The following DLGAP2 variants were observed in gnomAD, a reference collection of about 807,000 sequenced individuals.
The protein encoded by DLGAP2 is disks large-associated protein 2.
In DLGAP2, 26 loss-of-function variants were observed where a neutral mutation model predicts 100.3. The observed-to-expected ratio is 0.26, with a 90% CI of 0.19 to 0.36. DLGAP2 has a LOEUF of 0.36. Ranked by LOEUF, DLGAP2 falls within the 10% of genes least tolerant of loss-of-function variation. The pLI, the probability that DLGAP2 is intolerant of heterozygous loss-of-function variation, is 1.00. For missense variants in DLGAP2, 1,858 were observed against 1,453.2 expected, an observed-to-expected ratio of 1.28 and a Z score of -4.53; for synonymous variants, 886 against 630.1, an observed-to-expected ratio of 1.41 and a Z score of -6.08.
At chr8:1,275,846 A>AT (rs1378473313) in intron 3 of DLGAP2, among the ~76,000 whole-genome samples, 1 of 118,662 alleles carries the variant, frequency 8.4e-6, no homozygotes, top group Non-Finnish European at 1.6e-5. Context: ...ATAATATATA[A>AT]ATATATATAA....
chr8:1,273,719 A>G (rs1411820164), intron 3 of DLGAP2, among the ~76,000 whole-genome samples: 1 of 152,224 alleles, frequency 6.6e-6, no homozygotes, highest in Non-Finnish European at 1.5e-5. Flanking sequence ...CCTCTGCTCA[A>G]AGGTGCTTCT....
intron 2 of DLGAP2, among the ~76,000 whole-genome samples, chr8:1,024,503 A>C (rs1386333759): frequency 6.7e-6 from 1 of 150,142 alleles, no homozygotes. Flanking sequence ...ACCCATGCCA[A>C]GGTAGTGCCT....
chr8:865,816 G>C (rs969021623), intron 1 of DLGAP2, among the ~76,000 whole-genome samples: 6 of 152,174 alleles, frequency 3.9e-5, no homozygotes, highest in African/African-American at 1.4e-4. Context: ...GGTCTGCCCA[G>C]CTACAGGGTC....
intron 1 of DLGAP2, among the ~76,000 whole-genome samples, chr8:743,474 A>G (rs190630018): frequency 6.6e-6 from 1 of 152,282 alleles, no homozygotes; most frequent in African/African-American, 2.4e-5. Context: ...TTTTTTAATG[A>G]TTTTGTCTTG....
chr8:780,056 T>G lies in DLGAP2; in HGVS notation c.18+42231T>G, dbSNP rs1022653065. 1.8e-4 allele frequency among the ~76,000 whole-genome samples: 27 copies of G among 152,190 alleles called. 1 individual carries two copies. The highest frequency in any genetic ancestry group is 1.8e-3 in the Admixed American group (27 of 15,284). ...TAGAGATTTTGAAATGTTTGAATTA[T>G]TATTAGCTGTGTTTGCCATGCAATG... On this transcript the variant is annotated intron_variant, in intron 1 of 14. Coordinates refer to ENST00000637795, the MANE Select transcript of DLGAP2 (RefSeq NM_001346810.2).
chr8:1,636,318 G>GAA (rs1310314928), intron 8 of DLGAP2, among the ~76,000 whole-genome samples: 6 of 152,208 alleles, frequency 3.9e-5, no homozygotes, highest in Admixed American at 2.6e-4. Flanking sequence ...AAAACAAAGG[G>GAA]AAAACCTATA....
rs759597316 is a variant in DLGAP2 at position 1,548,962 on chromosome 8, A to G, written c.509A>G (p.Tyr170Cys). Residue 170 changes from tyrosine to cysteine, a missense_variant, in exon 5 of 15, where the codon TAC becomes TGC. By Grantham distance (194) the Tyr-to-Cys change is radical. Transcript: ENST00000637795. The part of the protein sequence containing the change: ...TFPRMHYSSH[Y>C]DTRDDCAVAH... ...CCGCGGATGCACTACAGCTCGCACT[A>G]CGACACGCGCGACGACTGCGCTGTG... 140 of 1,598,990 alleles carry G rather than the reference A, an allele frequency of 8.8e-5. 1 individual carries two copies. Among genetic ancestry groups the G allele is most frequent in the Non-Finnish European group, 1.2e-4 (136 of 1,179,470 alleles).
chr8:931,004 A>G (rs1261832208), intron 2 of DLGAP2, among the ~76,000 whole-genome samples: 2 of 152,200 alleles, frequency 1.3e-5, no homozygotes, highest in African/African-American at 4.8e-5. Flanking sequence ...TTAAATCCCC[A>G]GTGAAGATGA....
intron 2 of DLGAP2, among the ~76,000 whole-genome samples, chr8:1,249,340 C>T (rs988755586): frequency 2.0e-5 from 3 of 152,116 alleles, no homozygotes; most frequent in Non-Finnish European, 4.4e-5. Flanking sequence ...CCTCATTTGC[C>T]CATGAGTGGA....
chr8:1,427,457 T>C (rs1422496181), intron 3 of DLGAP2, among the ~76,000 whole-genome samples: 1 of 152,138 alleles, frequency 6.6e-6, no homozygotes, highest in East Asian at 1.9e-4. Flanking sequence ...GAGTTAGAAA[T>C]AATATAAACA....
At chr8:1,083,150 T>C (rs926569584) in intron 2 of DLGAP2, among the ~76,000 whole-genome samples, 1 of 152,200 alleles carries the variant, frequency 6.6e-6, no homozygotes, top group Non-Finnish European at 1.5e-5. Flanking sequence ...AGGCCAGTTT[T>C]GGAGAGGAAT....
chr8:1,099,523 G>T (rs539186909), intron 2 of DLGAP2, among the ~76,000 whole-genome samples: 1 of 152,232 alleles, frequency 6.6e-6, no homozygotes, highest in Non-Finnish European at 1.5e-5. Context: ...CCACATCCTC[G>T]CAGTGGTGTC....
intron 2 of DLGAP2, among the ~76,000 whole-genome samples, chr8:1,118,992 G>A (rs890130528): frequency 1.3e-5 from 2 of 152,102 alleles, no homozygotes; most frequent in African/African-American, 4.8e-5. Context: ...AAGCATAACT[G>A]TGGAGAACCA....
intron 2 of DLGAP2, among the ~76,000 whole-genome samples, chr8:1,201,334 A>G (rs1797869397): frequency 6.6e-6 from 1 of 152,136 alleles, no homozygotes; most frequent in Non-Finnish European, 1.5e-5. Flanking sequence ...AACCAGCAGG[A>G]GCTCTGCTCC....
chr8:1,026,906 C>T (rs1801817310), intron 2 of DLGAP2, among the ~76,000 whole-genome samples: 1 of 152,176 alleles, frequency 6.6e-6, no homozygotes, highest in African/African-American at 2.4e-5. Context: ...AAGGTTATCG[C>T]TAAACATTGG....
chr8:867,987 A>G (rs1271425333), intron 1 of DLGAP2, among the ~76,000 whole-genome samples: 1 of 152,202 alleles, frequency 6.6e-6, no homozygotes, highest in Admixed American at 6.5e-5. Context: ...TTGTATTATT[A>G]AAAAATTCAG....
intron 6 of DLGAP2, among the ~76,000 whole-genome samples, chr8:1,580,430 C>T (rs184539276): frequency 6.6e-6 from 1 of 152,100 alleles, no homozygotes; most frequent in African/African-American, 2.4e-5. Flanking sequence ...AGCGGAGGCT[C>T]GAAGAGAAAG....
chr8:1,671,001 C>T (rs776423968), intron 10 of DLGAP2, among the ~76,000 whole-genome samples: 2 of 152,186 alleles, frequency 1.3e-5, no homozygotes, highest in African/African-American at 4.8e-5. Flanking sequence ...GGACAGGTGG[C>T]CACGTCCCTG....
intron 2 of DLGAP2, among the ~76,000 whole-genome samples, chr8:1,044,990 C>G (rs1802477449): frequency 6.6e-6 from 1 of 152,246 alleles, no homozygotes; most frequent in African/African-American, 2.4e-5. Context: ...CAGCTACAGA[C>G]TTAAAAGGTC....
Sources: gnomAD v4.1 joint callset for allele counts (sites outside exome capture counted in the v4.1 genomes callset) on GRCh38, gnomAD v4.1.1 for gene constraint, MANE v1.5 for transcripts, NCBI Gene and HGNC (gene_info 2026-07-23, HGNC 2026-07-21) for gene names.